The following GSN variants were observed in gnomAD, a reference collection of about 807,000 sequenced individuals.
The protein encoded by GSN is actin-depolymerizing factor.
GSN carries 56 observed loss-of-function variants against 85.7 expected under a neutral mutation model. That is an observed-to-expected ratio of 0.65 (90% CI 0.53 to 0.82). The LOEUF is 0.82. Among genes scored for constraint, GSN ranks in the 40% least tolerant of loss-of-function variants. The probability of loss-of-function intolerance (pLI) is 0.00; values close to 1 mark genes in which losing one functional copy is unlikely to be tolerated. For synonymous variants in GSN, 373 were observed against 399.1 expected, an observed-to-expected ratio of 0.93 and a Z score of 0.78; for missense variants, 857 against 979.8, an observed-to-expected ratio of 0.87 and a Z score of 1.67.
intron 8 of GSN, chr9:121,317,480 G>A (rs1306819371): frequency 2.1e-6 from 1 of 479,356 alleles, no homozygotes. Context: ...TTCTCTGAGA[G>A]GCTAATTGGC....
chr9:121,280,420 C>A (rs1487989533), intron 1 of GSN: 1 of 152,214 alleles, frequency 6.6e-6, no homozygotes, highest in Non-Finnish European at 1.5e-5. Flanking sequence ...AGAATCCTTG[C>A]CTCCAAGGAG....
chr9:121,331,730 AC>A, intron 17 of GSN: 1 of 375,142 alleles, frequency 2.7e-6, no homozygotes, highest in South Asian at 4.6e-5. Context: ...TTCCCAGAAT[AC>A]TCAGAAGCTG....
At chr9:121,210,260 C>G (rs2053948233) in exon 3 of GSN, 1 of 152,232 alleles carries the variant, frequency 6.6e-6, no homozygotes, top group African/African-American at 2.4e-5. Context: ...GAGCACGCTG[C>G]CTGTCTGTGT....
rs1004530720 is a variant in GSN, at chr9:121,329,549, C to T, written c.1965+234C>T. On this transcript the variant is annotated intron_variant, in intron 16 of 17. Coordinates refer to ENST00000432226, the MANE Select transcript of GSN (RefSeq NM_198252.3). This position sits in a 1 kb window ranked among gnomAD's most constrained non-coding sequence, Gnocchi z 4.6. ...TACACTCACCTTGAAAGCTGCAAAA[C>T]GCCCTATAAAGGCAAATCACATGAC... 3.3e-5 allele frequency among the ~76,000 whole-genome samples: 5 copies of T among 152,222 alleles called. No individual in the cohort carries two copies. Among genetic ancestry groups the T allele is most frequent in the East Asian group, 1.9e-4 (1 of 5,198 alleles).
chr9:121,244,602 C>T (rs949401710), intron 5 of GSN, among the ~76,000 whole-genome samples: 1 of 152,048 alleles, frequency 6.6e-6, no homozygotes, highest in Admixed American at 6.6e-5. Context: ...TATGCAGTAG[C>T]AAAAATATAA....
intron 2 of GSN, among the ~76,000 whole-genome samples, chr9:121,287,432 C>T (rs776800527): frequency 2.3e-4 from 35 of 152,256 alleles, no homozygotes; most frequent in Non-Finnish European, 4.7e-4. Flanking sequence ...ATCAGAGGTT[C>T]CCGGGCCCCA....
chr9:121,224,594 T>C (rs1294268843), intron 4 of GSN, among the ~76,000 whole-genome samples: 1 of 152,082 alleles, frequency 6.6e-6, no homozygotes, highest in Non-Finnish European at 1.5e-5. Context: ...TTCTGGCTTC[T>C]TCCTGAAATA....
chr9:121,283,136 T>C (rs2057606629), intron 2 of GSN: 1 of 167,114 alleles, frequency 6.0e-6, no homozygotes, highest in Non-Finnish European at 1.5e-5. Context: ...GTTTATTTCC[T>C]CTTCTCTTTT....
chr9:121,263,064 T>C (rs1165885259), upstream of GSN, among the ~76,000 whole-genome samples: 4 of 152,138 alleles, frequency 2.6e-5, no homozygotes, highest in African/African-American at 9.7e-5. Context: ...AAATGGACAA[T>C]CTGAATGCAG....
chr9:121,219,581 G>T (rs908812397), intron 4 of GSN, among the ~76,000 whole-genome samples: 1 of 152,120 alleles, frequency 6.6e-6, no homozygotes, highest in African/African-American at 2.4e-5. Flanking sequence ...GGTCAAGCTG[G>T]CTAAGACCAA....
chr9:121,331,472 C>A (rs371780814), intron 17 of GSN, 24 bp downstream of exon 17: 10 of 1,387,866 alleles, frequency 7.2e-6, no homozygotes, highest in Admixed American at 4.2e-5. Flanking sequence ...TGCCTGGGGG[C>A]GGGGGGAGGG....
At chr9:121,234,755 TG>T (rs2054460442) in intron 5 of GSN, among the ~76,000 whole-genome samples, 1 of 152,212 alleles carries the variant, frequency 6.6e-6, no homozygotes, top group African/African-American at 2.4e-5. Flanking sequence ...AGGCCAAGGC[TG>T]GAAGATCGCT....
chr9:121,321,105 G>A (rs1229076159), intron 10 of GSN, among the ~76,000 whole-genome samples, 163 bp from the exon 11 acceptor site: 2 of 152,200 alleles, frequency 1.3e-5, no homozygotes, highest in Non-Finnish European at 2.9e-5. Context: ...GCCTTCTAGT[G>A]GCTCTGTGAG....
At chr9:121,256,160 G>A (rs944741078) in intron 6 of GSN, among the ~76,000 whole-genome samples, 6 of 152,130 alleles carry the variant, frequency 3.9e-5, no homozygotes, top group African/African-American at 7.2e-5. Context: ...AAGTAAGAGC[G>A]GGAGGGGAAG....
At chr9:121,310,062 AAAAAAAGAAAGGAAAG>A (rs1330101151) in intron 4 of GSN, 1 of 154,086 alleles carries the variant, frequency 6.5e-6, no homozygotes, top group Non-Finnish European at 1.4e-5. Context: ...TGAAAGAAAG[AAAAAAAGAAAGGAAAG>A]AAAAAAGAAA....
chr9:121,281,855 G>C (rs756810159), intron 2 of GSN: 56 of 471,140 alleles, frequency 1.2e-4, no homozygotes, highest in Non-Finnish European at 1.3e-5. Flanking sequence ...GACTTTAGGA[G>C]AGTTGCTTTC....
Position 121,332,661 on chromosome 9 carries a change from C to A in GSN, c.*58C>A. 7.2e-7 allele frequency: 1 copy of A among 1,382,822 alleles called. No homozygotes were observed. Among genetic ancestry groups the A allele is most frequent in the Non-Finnish European group, 1.0e-6 (1 of 981,644 alleles). 85.7% of individuals were successfully genotyped at this position (1,382,822 alleles called of 1,614,324 possible). A position where few individuals can be genotyped will look rare whatever the true frequency, so the allele number is the denominator to read the frequency against. On this transcript the variant is annotated 3_prime_UTR_variant, in exon 18 of 18. Transcript: ENST00000432226. This position sits in a 1 kb window ranked among gnomAD's most constrained non-coding sequence, Gnocchi z 4.8. ...GTGCCTTTTGGAACTGTCCTTCCCT[C>A]AAAGAGGCCTTAGAGCGAGCAGAGC... is the stretch of plus-strand genomic sequence containing the variant.
intron 7 of GSN, among the ~76,000 whole-genome samples, chr9:121,316,702 C>G (rs928879034): frequency 1.3e-5 from 2 of 152,186 alleles, no homozygotes; most frequent in African/African-American, 4.8e-5. Flanking sequence ...AACTCCTGGG[C>G]TCAAGCCATC....
intron 5 of GSN, among the ~76,000 whole-genome samples, chr9:121,231,990 C>T (rs2054398641): frequency 6.6e-6 from 1 of 152,012 alleles, no homozygotes; most frequent in South Asian, 2.1e-4. Context: ...TTGCCTGAAC[C>T]CAGGAGGCGG....
Sources: allele counts gnomAD v4.1 joint callset (sites outside exome capture counted in the v4.1 genomes callset), GRCh38; gene constraint gnomAD v4.1.1; non-coding constraint Gnocchi (gnomAD v3.1); transcripts MANE v1.5; gene names NCBI Gene and HGNC (gene_info 2026-07-23, HGNC 2026-07-21).